Variants in GOLGA8B observed in about 807,000 individuals in gnomAD.
GOLGA8B encodes golgin subfamily A member 8B.
GOLGA8B carries 1 observed loss-of-function variant against 15.6 expected under a neutral mutation model. The ratio of observed to expected loss-of-function variants is 0.06; its 90% confidence interval spans 0.02 to 0.30. The LOEUF (loss-of-function observed/expected upper bound fraction) is 0.30, where lower values mean the gene tolerates loss of function less well. Among genes scored for constraint, GOLGA8B ranks in the 10% least tolerant of loss-of-function variants. The pLI, the probability that GOLGA8B is intolerant of heterozygous loss-of-function variation, is 1.00. For synonymous variants in GOLGA8B, 9 were observed against 80.3 expected (o/e 0.11, Z 4.75); for missense variants, 17 against 201.3 (o/e 0.08, Z 5.54).
intron 1 of GOLGA8B, among the ~76,000 whole-genome samples, chr15:34,569,308 A>G (rs978873558): frequency 2.0e-5 from 3 of 148,884 alleles, no homozygotes; most frequent in Non-Finnish European, 3.0e-5. Context: ...ACAAACTAAC[A>G]AACACCCAGG....
intron 22 of GOLGA8B, 36 bp downstream of exon 22, chr15:34,528,142 ACACCCCCACCC>A (rs1371802391): frequency 0.19 from 76,344 of 397,814 alleles, 5,571 homozygotes; most frequent in African/African-American, 0.36. Flanking sequence ...CACCCCACCC[ACACCCCCACCC>A]CACCCCCACC....
At chr15:34,574,868 A>C (rs1238691633) in intron 1 of GOLGA8B, 1 of 152,146 alleles carries the variant, frequency 6.6e-6, no homozygotes, top group African/African-American at 2.4e-5. Flanking sequence ...TCAGGTAAGA[A>C]ATGTTTCTTG....
chr15:34,575,874 G>T (rs1405474857), intron 1 of GOLGA8B, among the ~76,000 whole-genome samples: 1 of 152,216 alleles, frequency 6.6e-6, no homozygotes, highest in African/African-American at 2.4e-5. Context: ...TCTAAACTGG[G>T]AACAAGAAAG....
rs141344186 is a variant in GOLGA8B at position 34,571,262 on chromosome 15, G to A, written c.-1123+12254C>T. Among the ~76,000 whole-genome samples, 171 of 152,020 alleles carry A rather than the reference G, an allele frequency of 1.1e-3. 1 individual carries two copies. The East Asian group carries it at 0.017, about 15-fold the overall frequency. On this transcript the variant is annotated intron_variant, in intron 1 of 23. Coordinates refer to ENST00000683415, the MANE Select transcript of GOLGA8B (RefSeq NM_001023567.5). ...CAGGAAGTCAAGGCTGCAATGAGCC[G>A]TGTTTGCACCGCTGCAATCCAGCCT... is the stretch of plus-strand genomic sequence containing the variant.
At chr15:34,567,084 A>G (rs1246155149) in intron 1 of GOLGA8B, among the ~76,000 whole-genome samples, 2 of 121,472 alleles carry the variant, frequency 1.6e-5, no homozygotes, top group South Asian at 5.3e-4. Context: ...CTGATGGGAC[A>G]CAAGCTCTAC....
At chr15:34,556,895 C>T (rs1247063594) in intron 1 of GOLGA8B, 11 of 890,786 alleles carry the variant, frequency 1.2e-5, no homozygotes, top group African/African-American at 3.5e-5. Flanking sequence ...CTCGCAGATG[C>T]TGAAGCGAGG....
chr15:34,571,043 C>A (rs1027780474), intron 1 of GOLGA8B, among the ~76,000 whole-genome samples: 1 of 145,152 alleles, frequency 6.9e-6, no homozygotes, highest in African/African-American at 2.5e-5. Flanking sequence ...GTTTATCTAG[C>A]GGCCGGGTAG....
intron 1 of GOLGA8B, among the ~76,000 whole-genome samples, chr15:34,577,810 G>A (rs1487676561): frequency 6.6e-6 from 1 of 152,098 alleles, no homozygotes; most frequent in Admixed American, 6.5e-5. Context: ...CCCTGTCTAG[G>A]GCACTTTCTA....
At chr15:34,543,761 G>GTTCA (rs1888252687) in intron 7 of GOLGA8B, among the ~76,000 whole-genome samples, 1 of 93,502 alleles carries the variant, frequency 1.1e-5, no homozygotes, top group Non-Finnish European at 2.0e-5. Flanking sequence ...AATATATTGG[G>GTTCA]TTCACTACTT....
intron 1 of GOLGA8B, among the ~76,000 whole-genome samples, chr15:34,563,233 CG>C (rs1026936367): frequency 1.5e-5 from 2 of 133,350 alleles, no homozygotes; most frequent in Non-Finnish European, 3.5e-5. Flanking sequence ...GTGAAATCTA[CG>C]TTCTCTTGCC....
At chr15:34,579,313 A>G (rs1379815623) in intron 1 of GOLGA8B, among the ~76,000 whole-genome samples, 2 of 152,044 alleles carry the variant, frequency 1.3e-5, no homozygotes, top group African/African-American at 4.8e-5. Flanking sequence ...TGGAAGGGAA[A>G]GCAGAGTGGC....
chr15:34,583,111 T>C (rs1428893780), intron 1 of GOLGA8B, among the ~76,000 whole-genome samples: 1 of 151,988 alleles, frequency 6.6e-6, no homozygotes, highest in African/African-American at 2.4e-5. Context: ...GGGGACTTGA[T>C]GCCGGCGTCA....
At chr15:34,581,963 G>C (rs1368624420) in intron 1 of GOLGA8B, among the ~76,000 whole-genome samples, 2 of 152,114 alleles carry the variant, frequency 1.3e-5, no homozygotes, top group Non-Finnish European at 2.9e-5. Flanking sequence ...CAGCTGCAAG[G>C]TCCAGCTTTA....
intron 1 of GOLGA8B, among the ~76,000 whole-genome samples, chr15:34,583,034 G>C (rs1234449461): frequency 6.6e-6 from 1 of 152,186 alleles, no homozygotes; most frequent in Non-Finnish European, 1.5e-5. Context: ...GCGAAGATCC[G>C]GGCTCGGGTT....
chr15:34,553,021 CT>C lies in GOLGA8B; in HGVS notation c.-841del, dbSNP rs1888409241. The C allele has an allele frequency of 8.3e-6, 1 of 120,860 alleles. No homozygotes were observed. The highest frequency in any genetic ancestry group is 2.8e-4 in the South Asian group (1 of 3,526). The allele number at this position is 120,860 out of a possible 1,614,324, so 7.5% of individuals were successfully genotyped here. On this transcript the variant is annotated 5_prime_UTR_variant, in exon 3 of 24. The change abolishes the stop of an existing upstream ORF in the 5' untranslated region. Transcript: ENST00000683415. ...CCACTGTTCTCTTTTAACCCTTGTC[CT>C]TTTGTACCACAGCAATTGCTTTCCT...
chr15:34,573,406 G>A (rs188261170), intron 1 of GOLGA8B, among the ~76,000 whole-genome samples: 119 of 151,440 alleles, frequency 7.9e-4, no homozygotes, highest in African/African-American at 2.6e-3. Context: ...GAGGGGTGGC[G>A]GGCGCCTGTA....
chr15:34,582,934 C>A (rs1409909760), intron 1 of GOLGA8B: 2 of 152,302 alleles, frequency 1.3e-5, no homozygotes, highest in Non-Finnish European at 2.9e-5. Flanking sequence ...GCCTCCAACC[C>A]GGCGCCTGCA....
intron 1 of GOLGA8B, among the ~76,000 whole-genome samples, chr15:34,577,107 C>A (rs1595712315): frequency 6.6e-6 from 1 of 152,064 alleles, no homozygotes; most frequent in East Asian, 1.9e-4. Context: ...GTTCCTAACA[C>A]ATGCCTGGCC....
At chr15:34,582,309 A>C (rs968500753) in intron 1 of GOLGA8B, among the ~76,000 whole-genome samples, 5 of 152,238 alleles carry the variant, frequency 3.3e-5, no homozygotes, top group Admixed American at 1.3e-4. Flanking sequence ...AACCTTAGGA[A>C]AACTTGTCCC....
Sources: gnomAD v4.1 joint callset for allele counts (sites outside exome capture counted in the v4.1 genomes callset) on GRCh38, gnomAD v4.1.1 for gene constraint, MANE v1.5 for transcripts, NCBI Gene and HGNC (gene_info 2026-07-23, HGNC 2026-07-21) for gene names.